TAFA4: variants seen among roughly 807,000 people sequenced by gnomAD.
TAFA4 encodes chemokine-like protein TAFA-4.
TAFA4 carries 20 observed loss-of-function variants against 21.1 expected under a neutral mutation model. That is an observed-to-expected ratio of 0.95 (90% CI 0.67 to 1.38). The LOEUF is 1.38. Among genes scored for constraint, TAFA4 ranks in the 40% most tolerant of loss-of-function variants. The pLI is 0.00. For missense variants in TAFA4, 211 were observed against 180.9 expected (o/e 1.17, Z -0.95); for synonymous variants, 71 against 67.4 (o/e 1.05, Z -0.26).
chr3:68,795,389 C>T (rs1703437216), intron 3 of TAFA4, among the ~76,000 whole-genome samples: 1 of 152,028 alleles, frequency 6.6e-6, no homozygotes, highest in Non-Finnish European at 1.5e-5. Flanking sequence ...GAGGCCCTAC[C>T]TTCCAGCTTC....
In TAFA4 at chr3:68,783,767, C is replaced by G. The variant is rs1304926980; in HGVS notation, c.131-30749G>C. 9.5e-5 allele frequency among the ~76,000 whole-genome samples: 12 copies of G among 126,918 alleles called. No homozygotes were observed. In the South Asian group the frequency reaches 2.6e-3, roughly 28 times the overall value. The allele number at this position is 126,918 out of a possible 152,430, so 83.3% of individuals were successfully genotyped here. A position where few individuals can be genotyped will look rare whatever the true frequency, so the allele number is the denominator to read the frequency against. ...AAAGTAAGAAAGAAAGAAACAAAAA[C>G]AAAGAAACAAAGAAAAAGAGATGGA... is the stretch of plus-strand genomic sequence containing the variant. On this transcript the variant is annotated intron_variant, in intron 3 of 5. Transcript: ENST00000295569.
chr3:68,791,575 C>G (rs183051701), intron 3 of TAFA4, among the ~76,000 whole-genome samples: 7 of 152,244 alleles, frequency 4.6e-5, no homozygotes, highest in African/African-American at 1.4e-4. Context: ...GAAGCTAATG[C>G]AGCAGAGGAC....
chr3:68,791,232 G>A (rs1331342215), intron 3 of TAFA4, among the ~76,000 whole-genome samples: 1 of 152,180 alleles, frequency 6.6e-6, no homozygotes, highest in African/African-American at 2.4e-5. Flanking sequence ...GACCTTGTTT[G>A]GAAATAAGAC....
chr3:68,844,967 T>C lies in TAFA4; in HGVS notation c.130+35763A>G, dbSNP rs377227489. ...GTGATCAATTTTAGAATAAGTGCAA[T>C]GTGGTGCTGAGAAGAATGTGTATTC... On this transcript the variant is annotated intron_variant, in intron 3 of 5. Transcript: ENST00000295569. Among the ~76,000 whole-genome samples, 9 of 152,180 alleles carry C rather than the reference T, an allele frequency of 5.9e-5. No individual in the cohort carries two copies. The East Asian group carries it at 7.7e-4, about 13-fold the overall frequency.
chr3:68,819,020 C>G lies in TAFA4; in HGVS notation c.130+61710G>C, dbSNP rs1174481082. 2.6e-5 allele frequency among the ~76,000 whole-genome samples: 4 copies of G among 152,104 alleles called. No homozygotes were observed. In the East Asian group the frequency reaches 7.7e-4, roughly 29 times the overall value. ...GTGTGGTGGCTCATATGCCTACAATCCCAGCATTTTGGGAGGCCAAGGCAG... is the reference window on the plus strand; with the variant it reads ...GTGTGGTGGCTCATATGCCTACAATGCCAGCATTTTGGGAGGCCAAGGCAG... On this transcript the variant is annotated intron_variant, in intron 3 of 5. Coordinates refer to ENST00000295569, the MANE Select transcript of TAFA4 (RefSeq NM_182522.5).
intron 3 of TAFA4, among the ~76,000 whole-genome samples, chr3:68,818,576 C>T (rs990395755): frequency 1.3e-5 from 2 of 152,176 alleles, no homozygotes; most frequent in Non-Finnish European, 2.9e-5. Context: ...ACATGTGACT[C>T]TTCCTTTCAC....
At chr3:68,869,297 A>G (rs573464917) in intron 3 of TAFA4, among the ~76,000 whole-genome samples, 1 of 152,066 alleles carries the variant, frequency 6.6e-6, no homozygotes, top group South Asian at 2.1e-4. Context: ...ACTACTTATA[A>G]CACCAATTAT....
intron 1 of TAFA4, among the ~76,000 whole-genome samples, chr3:68,909,177 C>T (rs2089931470): frequency 1.3e-5 from 2 of 152,224 alleles, no homozygotes; most frequent in South Asian, 4.2e-4. Flanking sequence ...ATGGCAAACC[C>T]CCCAAAAAAA....
At chr3:68,902,687 A>T (rs1234370685) in intron 1 of TAFA4, among the ~76,000 whole-genome samples, 1 of 152,134 alleles carries the variant, frequency 6.6e-6, no homozygotes, top group Non-Finnish European at 1.5e-5. Context: ...TTTTGTATGC[A>T]CACTCTAGTT....
chr3:68,900,334 T>C (rs1156228712), intron 1 of TAFA4, among the ~76,000 whole-genome samples: 3 of 150,208 alleles, frequency 2.0e-5, no homozygotes, highest in African/African-American at 4.9e-5. Context: ...AACCATTAAT[T>C]CCATAGTAAC....
intron 3 of TAFA4, among the ~76,000 whole-genome samples, chr3:68,880,056 A>AACAC (rs34023286): frequency 3.8e-4 from 57 of 150,012 alleles, no homozygotes; most frequent in African/African-American, 1.3e-3. Context: ...AAAGGACAGA[A>AACAC]ACACACACAC....
At chr3:68,843,766 T>C (rs1189322580) in intron 3 of TAFA4, among the ~76,000 whole-genome samples, 2 of 152,248 alleles carry the variant, frequency 1.3e-5, no homozygotes, top group Non-Finnish European at 2.9e-5. Context: ...CTGCATCTAT[T>C]GAGATAATCA....
chr3:68,802,987 G>A (rs1362752142), intron 3 of TAFA4, among the ~76,000 whole-genome samples: 1 of 152,204 alleles, frequency 6.6e-6, no homozygotes, highest in Non-Finnish European at 1.5e-5. Context: ...CAATCCAAGA[G>A]AGAACTCTCA....
chr3:68,929,734 T>C (rs769842852), intron 1 of TAFA4, among the ~76,000 whole-genome samples: 1 of 152,200 alleles, frequency 6.6e-6, no homozygotes, highest in African/African-American at 2.4e-5. Flanking sequence ...ATCTATAAAA[T>C]TGCAATCTGA....
At chr3:68,792,721 TA>T (rs1046140746) in intron 3 of TAFA4, among the ~76,000 whole-genome samples, 4 of 152,188 alleles carry the variant, frequency 2.6e-5, no homozygotes, top group African/African-American at 9.6e-5. Context: ...ATTTTGTAAT[TA>T]TTGTTCATGC....
intron 3 of TAFA4, among the ~76,000 whole-genome samples, chr3:68,800,888 A>C (rs1239676752): frequency 6.6e-6 from 1 of 152,222 alleles, no homozygotes; most frequent in Non-Finnish European, 1.5e-5. Flanking sequence ...GGAAAAGGCA[A>C]AGCTATGAGA....
chr3:68,791,971 C>T (rs1391698070), intron 3 of TAFA4, among the ~76,000 whole-genome samples: 1 of 152,126 alleles, frequency 6.6e-6, no homozygotes, highest in Non-Finnish European at 1.5e-5. Flanking sequence ...TACCCTAAGG[C>T]AGAGATTTAG....
intron 2 of TAFA4, among the ~76,000 whole-genome samples, chr3:68,882,307 T>C (rs2089627840): frequency 6.6e-6 from 1 of 151,500 alleles, no homozygotes; most frequent in Admixed American, 6.6e-5. Context: ...CAAATGTGTT[T>C]TGTTTGATCT....
intron 3 of TAFA4, among the ~76,000 whole-genome samples, chr3:68,766,025 T>C (rs575164713): frequency 6.6e-6 from 1 of 152,148 alleles, no homozygotes; most frequent in East Asian, 1.9e-4. Context: ...AAGTCTCCAA[T>C]ATGAAAGAGA....
Sources: allele counts gnomAD v4.1 joint callset (sites outside exome capture counted in the v4.1 genomes callset), GRCh38; gene constraint gnomAD v4.1.1; transcripts MANE v1.5; gene names NCBI Gene and HGNC (gene_info 2026-07-23, HGNC 2026-07-21).